The following SNTG1 variants were observed in gnomAD, a reference collection of about 807,000 sequenced individuals.
SNTG1 encodes syntrophin gamma 1, also known as gamma-1-syntrophin.
In SNTG1, 39 loss-of-function variants were observed where a neutral mutation model predicts 74.7. The observed-to-expected ratio is 0.52, with a 90% CI of 0.40 to 0.68. The LOEUF (loss-of-function observed/expected upper bound fraction) is 0.68, where lower values mean the gene tolerates loss of function less well. Ranked by LOEUF, SNTG1 falls within the 30% of genes least tolerant of loss-of-function variation. SNTG1 has a pLI of 0.00. For synonymous variants in SNTG1, 254 were observed against 217.1 expected (o/e 1.17, Z -1.49); for missense variants, 685 against 609.5 (o/e 1.12, Z -1.30).
chr8:50,490,819 G>GCAAC (rs2093845237), intron 8 of SNTG1: 1 of 152,466 alleles, frequency 6.6e-6, no homozygotes, highest in African/African-American at 2.4e-5. Context: ...CTGGGCCTGG[G>GCAAC]TCCCACGTCC....
intron 2 of SNTG1, among the ~76,000 whole-genome samples, chr8:50,225,212 T>A (rs932327456): frequency 7.2e-5 from 11 of 152,106 alleles, no homozygotes; most frequent in Non-Finnish European, 1.6e-4. Context: ...GACCTCGTGA[T>A]CCACCCACCT....
At chr8:50,766,198 G>A (rs1044552281) in intron 18 of SNTG1, among the ~76,000 whole-genome samples, 6 of 151,968 alleles carry the variant, frequency 3.9e-5, no homozygotes, top group East Asian at 1.9e-4. Flanking sequence ...TTTTCATCCC[G>A]AAAATATTGA....
intron 13 of SNTG1, among the ~76,000 whole-genome samples, chr8:50,652,755 C>T (rs112358561): frequency 0.028 from 4,222 of 152,004 alleles, 88 homozygotes; most frequent in Middle Eastern, 0.079. Flanking sequence ...TGAGATCACA[C>T]CACTGTACTC....
intron 17 of SNTG1, among the ~76,000 whole-genome samples, chr8:50,744,316 A>G (rs1160855934): frequency 6.6e-6 from 1 of 152,064 alleles, no homozygotes; most frequent in Non-Finnish European, 1.5e-5. Context: ...AAAGCATTTG[A>G]GAAGACAATT....
At chr8:50,370,136 G>T (rs778547662) in intron 2 of SNTG1, among the ~76,000 whole-genome samples, 1 of 152,146 alleles carries the variant, frequency 6.6e-6, no homozygotes, top group Non-Finnish European at 1.5e-5. Flanking sequence ...CTAACTCACT[G>T]CACAAAGTGA....
At chr8:50,707,161 T>C (rs2095446054) in intron 16 of SNTG1, among the ~76,000 whole-genome samples, 1 of 152,088 alleles carries the variant, frequency 6.6e-6, no homozygotes. Flanking sequence ...TTCATGATTA[T>C]TGAGAAAATC....
chr8:50,455,768 T>C (rs760990180), intron 8 of SNTG1, among the ~76,000 whole-genome samples: 3 of 152,196 alleles, frequency 2.0e-5, no homozygotes, highest in Non-Finnish European at 4.4e-5. Context: ...CCAAGGAACA[T>C]ATTTAGCATG....
At chr8:50,401,355 T>G (rs1445358945) in intron 3 of SNTG1, among the ~76,000 whole-genome samples, 1 of 152,212 alleles carries the variant, frequency 6.6e-6, no homozygotes, top group Non-Finnish European at 1.5e-5. Context: ...TTAATATATG[T>G]ATTCTGGATA....
chr8:50,693,112 A>G (rs2095389417), intron 15 of SNTG1, among the ~76,000 whole-genome samples: 2 of 152,158 alleles, frequency 1.3e-5, no homozygotes, highest in Admixed American at 1.3e-4. Context: ...AAAGCGCAGT[A>G]TTAGGGTGGG....
chr8:50,238,617 G>A (rs991141388), intron 2 of SNTG1, among the ~76,000 whole-genome samples: 11 of 152,038 alleles, frequency 7.2e-5, no homozygotes, highest in South Asian at 2.1e-4. Context: ...AAAAGCAACC[G>A]CAACATAAAC....
chr8:50,138,229 C>T (rs548787417), intron 1 of SNTG1, among the ~76,000 whole-genome samples: 24 of 151,946 alleles, frequency 1.6e-4, no homozygotes, highest in African/African-American at 3.6e-4. Flanking sequence ...ATGTTTTCCA[C>T]GGATGACGAA....
chr8:50,141,384 C>T (rs977778567), intron 1 of SNTG1, among the ~76,000 whole-genome samples: 2 of 152,028 alleles, frequency 1.3e-5, no homozygotes, highest in Non-Finnish European at 2.9e-5. Flanking sequence ...TTTTAATTTC[C>T]AGAATTCTAG....
At chr8:50,613,989 A>G (rs1329375390) in intron 13 of SNTG1, among the ~76,000 whole-genome samples, 2 of 152,164 alleles carry the variant, frequency 1.3e-5, no homozygotes, top group Non-Finnish European at 2.9e-5. Flanking sequence ...CAACTTTTAG[A>G]ATGATGTCTA....
chr8:50,712,693 C>T (rs959135486), intron 17 of SNTG1, among the ~76,000 whole-genome samples: 1 of 150,730 alleles, frequency 6.6e-6, no homozygotes, highest in Non-Finnish European at 1.5e-5. Context: ...TGTGATGTTT[C>T]CCTCCTTGTG....
chr8:50,037,325 T>C (rs1248807989), intron 1 of SNTG1, among the ~76,000 whole-genome samples: 2 of 152,182 alleles, frequency 1.3e-5, no homozygotes, highest in Non-Finnish European at 2.9e-5. Flanking sequence ...TTTCTTAAAA[T>C]GGTGATTCAG....
intron 1 of SNTG1, among the ~76,000 whole-genome samples, chr8:50,043,711 G>A (rs1288575698): frequency 6.6e-6 from 1 of 152,108 alleles, no homozygotes; most frequent in Non-Finnish European, 1.5e-5. Flanking sequence ...AAGATGCTTT[G>A]GTATTCAACA....
chr8:50,105,474 TTTTTG>T (rs1277206660), intron 1 of SNTG1, among the ~76,000 whole-genome samples: 1 of 151,904 alleles, frequency 6.6e-6, no homozygotes, highest in Admixed American at 6.6e-5. Flanking sequence ...GTCTTCAGCT[TTTTTG>T]TTTTGTTTTG....
intron 1 of SNTG1, among the ~76,000 whole-genome samples, chr8:50,013,566 A>G (rs1284621432): frequency 6.6e-6 from 1 of 151,958 alleles, no homozygotes; most frequent in Non-Finnish European, 1.5e-5. Flanking sequence ...GCTCTCTGTG[A>G]CAGTAACTAT....
At chr8:50,168,024 G>A (rs2082686379) in intron 1 of SNTG1, among the ~76,000 whole-genome samples, 1 of 151,928 alleles carries the variant, frequency 6.6e-6, no homozygotes, top group African/African-American at 2.4e-5. Context: ...ATAATTTGAT[G>A]TTATGTGGCT....
Sources: gnomAD v4.1 joint callset for allele counts (sites outside exome capture counted in the v4.1 genomes callset) on GRCh38, gnomAD v4.1.1 for gene constraint, MANE v1.5 for transcripts, NCBI Gene and HGNC (gene_info 2026-07-23, HGNC 2026-07-21) for gene names.